RAB10: variants seen among roughly 807,000 people sequenced by gnomAD.
RAB10 encodes the protein ras-related protein Rab-10.
Under a neutral mutation model 25.7 loss-of-function variants are expected in RAB10, and 5 were observed. The ratio of observed to expected loss-of-function variants is 0.19; its 90% CI spans 0.10 to 0.41. The LOEUF is 0.41. Ranked by LOEUF, RAB10 falls within the 10% of genes least tolerant of loss-of-function variation. RAB10 has a pLI of 1.00. For synonymous variants in RAB10, 89 were observed against 86.4 expected, an observed-to-expected ratio of 1.03 and a Z score of -0.16; for missense variants, 103 against 245.8, an observed-to-expected ratio of 0.42 and a Z score of 3.89.
At chr2:26,076,243 C>T (rs1434058366) in intron 1 of RAB10, among the ~76,000 whole-genome samples, 1 of 152,144 alleles carries the variant, frequency 6.6e-6, no homozygotes, top group Non-Finnish European at 1.5e-5. Flanking sequence ...TAAAATTTCA[C>T]CTGATGCCAC....
chr2:26,054,265 G>T (rs2149265078), intron 1 of RAB10, among the ~76,000 whole-genome samples: 1 of 151,844 alleles, frequency 6.6e-6, no homozygotes, highest in East Asian at 1.9e-4. Flanking sequence ...TGTTGACCAG[G>T]CTGGTCTCAA....
intron 1 of RAB10, among the ~76,000 whole-genome samples, chr2:26,087,991 AC>A (rs1275965070): frequency 6.6e-6 from 1 of 152,222 alleles, no homozygotes; most frequent in Non-Finnish European, 1.5e-5. Flanking sequence ...TAAGACTAGA[AC>A]CTGGTCTTGA....
intron 1 of RAB10, among the ~76,000 whole-genome samples, chr2:26,042,099 G>A (rs1665903767): frequency 6.6e-6 from 1 of 152,074 alleles, no homozygotes; most frequent in Non-Finnish European, 1.5e-5. Context: ...AGCTTTTAGT[G>A]GGCTGCTTCT....
intron 1 of RAB10, among the ~76,000 whole-genome samples, chr2:26,090,014 G>A (rs1172642171): frequency 6.6e-6 from 1 of 152,000 alleles, no homozygotes; most frequent in African/African-American, 2.4e-5. Context: ...TTCTAATACT[G>A]TTTCCTCCTT....
chr2:26,038,924 CAAA>C (rs34311018), intron 1 of RAB10, among the ~76,000 whole-genome samples: 89 of 103,322 alleles, frequency 8.6e-4, no homozygotes, highest in Non-Finnish European at 1.1e-3. Flanking sequence ...GACTCTGTCT[CAAA>C]AAAAAAAAAA....
chr2:26,127,137 AT>A lies in RAB10; in HGVS notation c.328-3del. On this transcript the variant is annotated splice_region_variant and splice_polypyrimidine_tract_variant and intron_variant, in intron 3 of 5. Coordinates refer to ENST00000264710, the MANE Select transcript of RAB10 (RefSeq NM_016131.5). ...GTATGTAAAAGTAAAATTTTATTTCATTTTAGCATGCCAATGAAGATGTGGA... is the reference window on the plus strand; with the variant it reads ...GTATGTAAAAGTAAAATTTTATTTCATTTAGCATGCCAATGAAGATGTGGA... The A allele has an allele frequency of 6.3e-7, 1 of 1,587,466 alleles. No homozygotes were observed. The highest frequency in any genetic ancestry group is 8.5e-7 in the Non-Finnish European group (1 of 1,169,812).
At chr2:26,098,399 A>G in intron 1 of RAB10, 2 of 377,768 alleles carry the variant, frequency 5.3e-6, no homozygotes, top group Non-Finnish European at 4.8e-6. Flanking sequence ...CAGCCTCTCA[A>G]AAGTGCTGGG....
intron 1 of RAB10, among the ~76,000 whole-genome samples, chr2:26,073,480 T>G (rs1454467808): frequency 6.6e-6 from 1 of 152,224 alleles, no homozygotes; most frequent in African/African-American, 2.4e-5. Context: ...ACTGACTATG[T>G]TGTAGCTGTC....
chr2:26,085,811 A>G (rs2149275461), intron 1 of RAB10, among the ~76,000 whole-genome samples: 1 of 151,956 alleles, frequency 6.6e-6, no homozygotes, highest in East Asian at 1.9e-4. Flanking sequence ...AGCCTGACCA[A>G]CATGGAGAAA....
intron 1 of RAB10, among the ~76,000 whole-genome samples, chr2:26,044,908 T>C (rs1407094898): frequency 1.3e-5 from 2 of 152,120 alleles, no homozygotes; most frequent in Non-Finnish European, 2.9e-5. Context: ...TTCTGAGAAT[T>C]TCATTGTTAT....
chr2:26,111,320 C>T (rs982550902), intron 3 of RAB10, among the ~76,000 whole-genome samples: 2 of 152,058 alleles, frequency 1.3e-5, no homozygotes, highest in African/African-American at 4.8e-5. Flanking sequence ...ATACACAGAT[C>T]TTGGCTGGGC....
At chr2:26,102,993 G>A (rs767712858) in intron 2 of RAB10, among the ~76,000 whole-genome samples, 1 of 152,158 alleles carries the variant, frequency 6.6e-6, no homozygotes, top group Non-Finnish European at 1.5e-5. Context: ...TGAGTCTCAC[G>A]TTGACATTAT....
At chr2:26,095,323 T>C (rs1382181074) in intron 1 of RAB10, among the ~76,000 whole-genome samples, 1 of 152,092 alleles carries the variant, frequency 6.6e-6, no homozygotes, top group Non-Finnish European at 1.5e-5. Context: ...AAATGCAAGC[T>C]CAGGCCGGGC....
At chr2:26,105,121 A>G (rs1277311415) in intron 2 of RAB10, among the ~76,000 whole-genome samples, 2 of 152,188 alleles carry the variant, frequency 1.3e-5, no homozygotes, top group African/African-American at 4.8e-5. Context: ...TTCCAGCACC[A>G]TTTGTTGGAA....
chr2:26,091,330 A>C (rs1468991916), intron 1 of RAB10, among the ~76,000 whole-genome samples: 1 of 152,170 alleles, frequency 6.6e-6, no homozygotes, highest in African/African-American at 2.4e-5. Flanking sequence ...GGAAACATAG[A>C]GAAATATTGC....
intron 1 of RAB10, among the ~76,000 whole-genome samples, chr2:26,038,316 C>T (rs940146132): frequency 6.6e-6 from 1 of 151,774 alleles, no homozygotes; most frequent in Non-Finnish European, 1.5e-5. Context: ...CCTGCCTCAG[C>T]CTCCTGAGTA....
chr2:26,035,696 C>T (rs1006276956), intron 1 of RAB10, among the ~76,000 whole-genome samples: 1 of 152,210 alleles, frequency 6.6e-6, no homozygotes, highest in Non-Finnish European at 1.5e-5. Flanking sequence ...ACATGGCTCT[C>T]AGCATTGTGG....
chr2:26,082,786 A>G (rs915429126), intron 1 of RAB10, among the ~76,000 whole-genome samples: 1 of 152,166 alleles, frequency 6.6e-6, no homozygotes, highest in Non-Finnish European at 1.5e-5. Context: ...ACTAAAACTA[A>G]AGATATGACC....
At chr2:26,043,226 C>T (rs1665929129) in intron 1 of RAB10, among the ~76,000 whole-genome samples, 1 of 152,168 alleles carries the variant, frequency 6.6e-6, no homozygotes. Flanking sequence ...CAAGACCAGC[C>T]TGGGCAACAT....
Sources: gnomAD v4.1 joint callset for allele counts (sites outside exome capture counted in the v4.1 genomes callset) on GRCh38, gnomAD v4.1.1 for gene constraint, MANE v1.5 for transcripts, NCBI Gene and HGNC (gene_info 2026-07-23, HGNC 2026-07-21) for gene names.